Variants in PLCXD2 observed in about 807,000 individuals in gnomAD.
The protein encoded by PLCXD2 is phosphatidylinositol specific phospholipase C X domain containing 2, also known as PI-PLC X domain-containing protein 2.
A neutral mutation model predicts 28.6 loss-of-function variants in PLCXD2; 21 were observed. That is an observed-to-expected ratio of 0.73 (90% CI 0.52 to 1.06). PLCXD2 has a LOEUF of 1.06. Among genes scored for constraint, PLCXD2 ranks in the 50% least tolerant of loss-of-function variants. PLCXD2 has a pLI of 0.00. For missense variants in PLCXD2, 369 were observed against 376.7 expected, an observed-to-expected ratio of 0.98 and a Z score of 0.17; for synonymous variants, 140 against 150.1, an observed-to-expected ratio of 0.93 and a Z score of 0.49.
Position 111,675,054 on chromosome 3 carries a change from G to C in PLCXD2, c.-192G>C, listed in dbSNP as rs1377040349. On this transcript the variant is annotated 5_prime_UTR_variant, in exon 1 of 5. Transcript: ENST00000477665. ...GATTAAGGGAGTGGAGCGGAGGCTG[G>C]GCCGGAGAGAGTGGGGACTGTGAGT... The C allele has an allele frequency of 1.6e-6, 1 of 609,448 alleles. No individual in the cohort carries two copies. The highest frequency in any genetic ancestry group is 1.9e-5 in the African/African-American group (1 of 54,012). 37.8% of individuals were successfully genotyped at this position (609,448 alleles called of 1,614,324 possible).
intron 1 of PLCXD2, among the ~76,000 whole-genome samples, chr3:111,690,531 G>A (rs1439029855): frequency 6.6e-6 from 1 of 152,228 alleles, no homozygotes; most frequent in Non-Finnish European, 1.5e-5. Flanking sequence ...AGAAAGACCA[G>A]CATGAGGCTT....
At position 111,685,207 on chromosome 3, in the gene PLCXD2, A is replaced by T. The variant is rs16858413; in HGVS notation, c.163+9799A>T. 7.4e-3 allele frequency among the ~76,000 whole-genome samples: 1,126 copies of T among 152,302 alleles called. 13 individuals are homozygous for T. The highest frequency in any genetic ancestry group is 0.025 in the African/African-American group (1,051 of 41,548). On this transcript the variant is annotated intron_variant, in intron 1 of 4. Transcript: ENST00000477665. Reference sequence around the variant, plus strand: ...AGCTACTATTATACCCAATATCAGAAGGTTTGAATTTAAAGCTGATATCCT... The same window carrying T: ...AGCTACTATTATACCCAATATCAGATGGTTTGAATTTAAAGCTGATATCCT...
chr3:111,708,292 T>C lies in PLCXD2; in HGVS notation c.530T>C (p.Val177Ala), dbSNP rs917559079. ...GATGAGACCCATCACAAATGCCTGG[T>C]TCTGCGGATCCAGGAGGCCTTTGGA... The change falls in exon 2 of 5, where the codon GTT becomes GCT. Residue 177 changes from valine (V) to alanine (A), a missense_variant. By Grantham distance (64) the Val-to-Ala change is moderately conservative. Coordinates refer to ENST00000477665, the MANE Select transcript of PLCXD2 (RefSeq NM_001185106.1). The C allele has an allele frequency of 2.5e-6, 4 of 1,614,054 alleles. No individual in the cohort carries two copies. Among genetic ancestry groups the C allele is most frequent in the Non-Finnish European group, 1.7e-6 (2 of 1,180,046 alleles).
At chr3:111,692,082 C>A (rs1312080742) in intron 1 of PLCXD2, among the ~76,000 whole-genome samples, 1 of 152,226 alleles carries the variant, frequency 6.6e-6, no homozygotes, top group Non-Finnish European at 1.5e-5. Flanking sequence ...GGCTCTGTCG[C>A]CCATGCTGGA....
intron 1 of PLCXD2, among the ~76,000 whole-genome samples, chr3:111,690,384 C>G (rs183957341): frequency 2.0e-4 from 30 of 151,290 alleles, no homozygotes; most frequent in South Asian, 8.3e-4. Context: ...TTTTTTTTTT[C>G]AAGACCAGAC....
At chr3:111,688,406 T>C (rs1940826338) in intron 1 of PLCXD2, among the ~76,000 whole-genome samples, 1 of 152,242 alleles carries the variant, frequency 6.6e-6, no homozygotes, top group Non-Finnish European at 1.5e-5. Context: ...AATGTGGAGC[T>C]TCCAGTTGTC....
At chr3:111,703,943 G>C (rs935825721) in intron 1 of PLCXD2, among the ~76,000 whole-genome samples, 21 of 152,090 alleles carry the variant, frequency 1.4e-4, no homozygotes, top group African/African-American at 5.1e-4. Context: ...TTACTGGATA[G>C]CCTCTATGTT....
At chr3:111,714,449 G>A (rs375452470) in intron 3 of PLCXD2, among the ~76,000 whole-genome samples, 34 of 152,214 alleles carry the variant, frequency 2.2e-4, no homozygotes, top group African/African-American at 7.2e-4. Context: ...CCTGTGCCTC[G>A]CAGCTGACCC....
chr3:111,680,720 A>G lies in PLCXD2; in HGVS notation c.163+5312A>G, dbSNP rs79477887. On this transcript the variant is annotated intron_variant, in intron 1 of 4. Transcript: ENST00000477665. ...ACAGAAAGATCATGGATTGGTTAAG[A>G]GTATGAATACAACAGCCAGACTATC... Among the ~76,000 whole-genome samples the G allele has an allele frequency of 5.7e-3, 870 of 152,310 alleles. 16 individuals are homozygous for G. Among genetic ancestry groups the G allele is most frequent in the African/African-American group, 0.019 (771 of 41,566 alleles).
chr3:111,712,541 C>T (rs920710105), intron 2 of PLCXD2, among the ~76,000 whole-genome samples: 12 of 152,216 alleles, frequency 7.9e-5, no homozygotes, highest in Non-Finnish European at 1.6e-4. Context: ...GTCAGTCAGA[C>T]ATTACTCAAA....
At chr3:111,719,834 G>A (rs890727859) in intron 3 of PLCXD2, among the ~76,000 whole-genome samples, 31 of 152,182 alleles carry the variant, frequency 2.0e-4, no homozygotes, top group African/African-American at 6.5e-4. Context: ...TTATGTGTAC[G>A]TATTTGTCAA....
At position 111,713,935 on chromosome 3, in the gene PLCXD2, T is replaced by C. The variant is rs1301815538; in HGVS notation, c.673T>C (p.Trp225Arg). The C allele has an allele frequency of 1.2e-6, 2 of 1,613,936 alleles. No individual in the cohort carries two copies. The highest frequency in any genetic ancestry group is 8.5e-7 in the Non-Finnish European group (1 of 1,179,782). ...CTTCTACAAGCAGTACCCCTTCCTGTGGCCAGGAAAGAAGATTCCAGCGCC... is the reference window on the plus strand; with the variant it reads ...CTTCTACAAGCAGTACCCCTTCCTGCGGCCAGGAAAGAAGATTCCAGCGCC... Residue 225 changes from tryptophan (W) to arginine (R), a missense_variant, in exon 3 of 5, where the codon TGG becomes CGG. Transcript: ENST00000477665.
At chr3:111,679,485 C>T (rs961206800) in intron 1 of PLCXD2, among the ~76,000 whole-genome samples, 3 of 152,098 alleles carry the variant, frequency 2.0e-5, no homozygotes, top group African/African-American at 2.4e-5. Context: ...AATCCTGAAT[C>T]GCAGTAGAAG....
intron 1 of PLCXD2, among the ~76,000 whole-genome samples, chr3:111,701,273 C>T (rs917228300): frequency 2.6e-4 from 39 of 151,976 alleles, no homozygotes; most frequent in Admixed American, 2.6e-3. Context: ...TACTATTGGC[C>T]CATTTGACAG....
At chr3:111,702,801 T>C (rs1047292394) in intron 1 of PLCXD2, among the ~76,000 whole-genome samples, 3 of 152,222 alleles carry the variant, frequency 2.0e-5, no homozygotes, top group African/African-American at 7.2e-5. Context: ...AAGGGAAGAA[T>C]CACTGTCTTT....
intron 1 of PLCXD2, among the ~76,000 whole-genome samples, chr3:111,680,888 C>T (rs1205501064): frequency 6.6e-6 from 1 of 152,070 alleles, no homozygotes; most frequent in Admixed American, 6.6e-5. Flanking sequence ...TAAATTAATT[C>T]ATATAGTATG....
chr3:111,692,135 G>T (rs1414794148), intron 1 of PLCXD2, among the ~76,000 whole-genome samples: 1 of 152,136 alleles, frequency 6.6e-6, no homozygotes, highest in Non-Finnish European at 1.5e-5. Flanking sequence ...TCCGCCTCCC[G>T]GGTTCATGCC....
chr3:111,696,883 ATAAT>A (rs1940969110), intron 1 of PLCXD2, among the ~76,000 whole-genome samples: 1 of 152,230 alleles, frequency 6.6e-6, no homozygotes, highest in Non-Finnish European at 1.5e-5. Flanking sequence ...TTTTTAGAGA[ATAAT>A]TATTATCTAT....
At chr3:111,725,602 T>G (rs1941405853) in intron 3 of PLCXD2, 1 of 398,380 alleles carries the variant, frequency 2.5e-6, no homozygotes, top group Non-Finnish European at 4.4e-6. Context: ...TGCGATTGAT[T>G]TTCTCAAAAT....
Sources: allele counts gnomAD v4.1 joint callset (sites outside exome capture counted in the v4.1 genomes callset), GRCh38; gene constraint gnomAD v4.1.1; transcripts MANE v1.5; gene names NCBI Gene and HGNC (gene_info 2026-07-23, HGNC 2026-07-21).